HECTD2: variants seen among roughly 807,000 people sequenced by gnomAD.
HECTD2 encodes the protein HECT domain E3 ubiquitin protein ligase 2.
Under a neutral mutation model 103.2 loss-of-function variants are expected in HECTD2, and 35 were observed. The observed-to-expected ratio is 0.34, with a 90% CI of 0.26 to 0.45. The LOEUF (loss-of-function observed/expected upper bound fraction) is 0.45. HECTD2 is among the 20% of genes least tolerant of loss of function. The pLI, the probability that HECTD2 is intolerant of heterozygous loss-of-function variation, is 1.00. For synonymous variants in HECTD2, 281 were observed against 329.9 expected (o/e 0.85, Z 1.61); for missense variants, 596 against 937.4 (o/e 0.64, Z 4.76).
intron 2 of HECTD2, among the ~76,000 whole-genome samples, chr10:91,454,209 A>T (rs1410597132): frequency 2.6e-5 from 4 of 152,156 alleles, no homozygotes; most frequent in African/African-American, 9.7e-5. Flanking sequence ...GCTCTACTCA[A>T]CAACAGAATA....
chr10:91,456,863 C>T lies in HECTD2; in HGVS notation c.269-3564C>T, dbSNP rs76727931. ...AGGAGGAAATATAAAATCAGTGAAACTGAAAACAGAAAAATTGAGAAAATC... is the reference window on the plus strand; with the variant it reads ...AGGAGGAAATATAAAATCAGTGAAATTGAAAACAGAAAAATTGAGAAAATC... On this transcript the variant is annotated intron_variant, in intron 2 of 20. Transcript: ENST00000298068. Among the ~76,000 whole-genome samples, 1,447 of 152,088 alleles carry T rather than the reference C, an allele frequency of 9.5e-3. 13 individuals are homozygous for T. Among genetic ancestry groups the T allele is most frequent in the Middle Eastern group, 0.027 (8 of 294 alleles).
At position 91,498,142 on chromosome 10, in the gene HECTD2, A is replaced by T; in HGVS notation, c.1715A>T (p.His572Leu). 1 of 1,612,254 alleles carries T rather than the reference A, an allele frequency of 6.2e-7. No individual in the cohort carries two copies. The highest frequency in any genetic ancestry group is 8.5e-7 in the Non-Finnish European group (1 of 1,178,442). The change falls in exon 16 of 21, where the codon CAT becomes CTT. Residue 572 changes from histidine (H) to leucine (L), a missense_variant. Transcript: ENST00000298068. ...CATGGATTAAGTGAACTCTTATCAC[A>T]TGAAGGCAATGTTGAAGAAGATTTC... ...LAHGLSELLS[H>L]EGNVEEDFYS...
At chr10:91,503,615 T>A (rs1847007462) in intron 20 of HECTD2, among the ~76,000 whole-genome samples, 1 of 152,164 alleles carries the variant, frequency 6.6e-6, no homozygotes, top group African/African-American at 2.4e-5. Context: ...CGCACTTGGC[T>A]CGGAGGGTCC....
At chr10:91,430,668 T>A (rs1843818906) in intron 2 of HECTD2, among the ~76,000 whole-genome samples, 1 of 152,216 alleles carries the variant, frequency 6.6e-6, no homozygotes, top group Non-Finnish European at 1.5e-5. Context: ...TTTTTTGGTT[T>A]AAAGTCTGTT....
At chr10:91,482,488 C>G (rs1846129505) in intron 7 of HECTD2, among the ~76,000 whole-genome samples, 1 of 151,918 alleles carries the variant, frequency 6.6e-6, no homozygotes, top group Admixed American at 6.6e-5. Flanking sequence ...GCAAAAGTTT[C>G]ACAACCAGCT....
rs915198603 is a variant in HECTD2, at chr10:91,479,078, G to A, written c.665+813G>A. ...AAAATACAAAAATTAGCCAGATGTGGTTGCACCGTCCTGTAATTCCAGCTT... is the reference window on the plus strand; with the variant it reads ...AAAATACAAAAATTAGCCAGATGTGATTGCACCGTCCTGTAATTCCAGCTT... On this transcript the variant is annotated intron_variant, in intron 6 of 20. Transcript: ENST00000298068. Among the ~76,000 whole-genome samples the A allele has an allele frequency of 3.3e-5, 5 of 152,244 alleles. No homozygotes were observed. In the East Asian group the frequency reaches 5.8e-4, roughly 18 times the overall value.
chr10:91,438,644 A>C (rs1844244625), intron 2 of HECTD2, among the ~76,000 whole-genome samples: 1 of 152,168 alleles, frequency 6.6e-6, no homozygotes, highest in Non-Finnish European at 1.5e-5. Context: ...ATCCTTGAGG[A>C]ATCGCCACAC....
At chr10:91,465,411 A>G (rs1306428227) in intron 5 of HECTD2, among the ~76,000 whole-genome samples, 3 of 152,096 alleles carry the variant, frequency 2.0e-5, no homozygotes, top group Non-Finnish European at 4.4e-5. Context: ...GCACTTCACT[A>G]TGCTTATCTT....
At chr10:91,483,202 G>T (rs2133285176) in intron 8 of HECTD2, 126 bp downstream of exon 8, 1 of 442,082 alleles carries the variant, frequency 2.3e-6, no homozygotes, top group East Asian at 3.7e-5. Context: ...TATTCACAAT[G>T]CTTCAAAAGC....
At chr10:91,413,710 A>G (rs1221748019) in intron 1 of HECTD2, among the ~76,000 whole-genome samples, 1 of 152,204 alleles carries the variant, frequency 6.6e-6, no homozygotes, top group Admixed American at 6.5e-5. Context: ...AGCGTTTGAA[A>G]TGGACTTGTG....
At chr10:91,492,326 C>G (rs1846511355) in intron 12 of HECTD2, 26 bp from the exon 13 acceptor site, 1 of 1,600,878 alleles carries the variant, frequency 6.2e-7, no homozygotes, top group African/African-American at 1.3e-5. Flanking sequence ...CTTTGTTCTC[C>G]TCTACTGTAT....
chr10:91,460,536 T>C lies in HECTD2; in HGVS notation c.378T>C (p.Pro126=). The change falls in exon 3 of 21, where the codon CCT becomes CCC. Residue 126 remains proline (P), a synonymous_variant. Transcript: ENST00000298068. The stretch of plus-strand genomic sequence containing the variant: ...CAGTCCTTCCAGAACCTATTCTTCC[T>C]ATCCAGCCCAAAACTGTGAAAGACT... ...KAPVLPEPIL[P]IQPKTVKDFQ... The C allele has an allele frequency of 6.2e-7, 1 of 1,612,356 alleles. No individual in the cohort carries two copies. The highest frequency in any genetic ancestry group is 8.5e-7 in the Non-Finnish European group (1 of 1,179,206).
At chr10:91,504,834 C>G (rs2133366853) in intron 20 of HECTD2, among the ~76,000 whole-genome samples, 1 of 151,984 alleles carries the variant, frequency 6.6e-6, no homozygotes, top group South Asian at 2.1e-4. Flanking sequence ...GTCAGATTCA[C>G]CAAAGTTGAA....
At chr10:91,497,912 A>G (rs1189924104) in intron 15 of HECTD2, among the ~76,000 whole-genome samples, 196 bp from the exon 16 acceptor site, 3 of 152,278 alleles carry the variant, frequency 2.0e-5, no homozygotes, top group African/African-American at 4.8e-5. Context: ...TGAACTGGAT[A>G]GTTTCCCCAT....
At chr10:91,472,144 A>G (rs1845751542) in intron 5 of HECTD2, among the ~76,000 whole-genome samples, 1 of 152,214 alleles carries the variant, frequency 6.6e-6, no homozygotes, top group African/African-American at 2.4e-5. Context: ...TAGAGAGCCT[A>G]GAACTGATGA....
At chr10:91,435,365 T>C (rs1844072351) in intron 2 of HECTD2, among the ~76,000 whole-genome samples, 1 of 151,962 alleles carries the variant, frequency 6.6e-6, no homozygotes, top group Admixed American at 6.6e-5. Flanking sequence ...AGGTTCAATC[T>C]GTGAGGTGAC....
At chr10:91,471,440 A>G (rs7910297) in intron 5 of HECTD2, among the ~76,000 whole-genome samples, 5 of 152,200 alleles carry the variant, frequency 3.3e-5, no homozygotes, top group African/African-American at 7.2e-5. Context: ...TAGCACTCCT[A>G]TTCAACATAG....
At chr10:91,494,004 A>T (rs1277251892) in intron 14 of HECTD2, among the ~76,000 whole-genome samples, 4 of 152,002 alleles carry the variant, frequency 2.6e-5, no homozygotes, top group Admixed American at 2.6e-4. Flanking sequence ...ATTTTATAGT[A>T]TTTTTAAAAA....
chr10:91,459,825 CATT>C (rs1845267525), intron 2 of HECTD2, among the ~76,000 whole-genome samples: 1 of 152,068 alleles, frequency 6.6e-6, no homozygotes, highest in South Asian at 2.1e-4. Flanking sequence ...AAATGCTTAT[CATT>C]GTATTACAGT....
Sources: allele counts gnomAD v4.1 joint callset (sites outside exome capture counted in the v4.1 genomes callset), GRCh38; gene constraint gnomAD v4.1.1; transcripts MANE v1.5; gene names NCBI Gene and HGNC (gene_info 2026-07-23, HGNC 2026-07-21).